The following GRIP1 variants were observed in gnomAD, a reference collection of about 807,000 sequenced individuals.
The protein encoded by GRIP1 is glutamate receptor interacting protein 1.
A neutral mutation model predicts 129.9 loss-of-function variants in GRIP1; 45 were observed. The ratio of observed to expected loss-of-function variants is 0.35; its 90% confidence interval spans 0.27 to 0.44. GRIP1 has a LOEUF of 0.44. GRIP1 is among the 20% of genes least tolerant of loss of function. GRIP1 has a pLI of 1.00. For synonymous variants in GRIP1, 530 were observed against 520.8 expected (o/e 1.02, Z -0.24); for missense variants, 1,196 against 1,396.8 (o/e 0.86, Z 2.29).
At chr12:66,978,199 A>G (rs950976141) in intron 1 of GRIP1, among the ~76,000 whole-genome samples, 1 of 147,018 alleles carries the variant, frequency 6.8e-6, no homozygotes, top group Non-Finnish European at 1.5e-5. Context: ...AAGAGTTAAT[A>G]AATAGACTCA....
chr12:66,904,890 C>CAA (rs34662689), intron 1 of GRIP1, among the ~76,000 whole-genome samples: 9,936 of 136,962 alleles, frequency 0.073, 442 homozygotes, highest in East Asian at 0.23. Flanking sequence ...GACTCCGTCT[C>CAA]AAAAAAAAAA....
At position 66,719,711 on chromosome 12, in the gene GRIP1, G is replaced by A. The variant is rs571205689; in HGVS notation, c.-420+84342C>T. Reference sequence around the variant, plus strand: ...GAACACTTTTGGCCATGAGGCCTTGGTCTCTAAGGAGGCCATTAGATTTAT... The same window carrying A: ...GAACACTTTTGGCCATGAGGCCTTGATCTCTAAGGAGGCCATTAGATTTAT... On this transcript the variant is annotated intron_variant, in intron 1 of 4. Transcript: ENST00000538373. 2.6e-5 allele frequency among the ~76,000 whole-genome samples: 4 copies of A among 152,308 alleles called. No individual in the cohort carries two copies. In the South Asian group the frequency reaches 6.2e-4, roughly 24 times the overall value.
chr12:66,803,468 A>T (rs2038913774), intron 1 of GRIP1, among the ~76,000 whole-genome samples: 1 of 152,230 alleles, frequency 6.6e-6, no homozygotes, highest in African/African-American at 2.4e-5. Flanking sequence ...AAATGTCTCA[A>T]TATAGACATA....
chr12:66,873,545 AT>A (rs796500951), intron 1 of GRIP1, among the ~76,000 whole-genome samples: 2 of 152,180 alleles, frequency 1.3e-5, no homozygotes, highest in African/African-American at 4.8e-5. Flanking sequence ...CTCAATTTGC[AT>A]TCTATTTTTC....
chr12:66,738,277 T>C (rs2036673459), intron 1 of GRIP1, among the ~76,000 whole-genome samples: 1 of 151,834 alleles, frequency 6.6e-6, no homozygotes, highest in Admixed American at 6.6e-5. Context: ...TGGAGTGCAG[T>C]GGCTCTATCT....
In GRIP1 at chr12:66,608,996, A is replaced by G. The variant is rs192050794; in HGVS notation, c.56-12069T>C. Reference sequence around the variant, plus strand: ...ATTTTTTTACAGCACTTATAATCCTACCTTAAAATCATCAACCTGCTTATT... The same window carrying G: ...ATTTTTTTACAGCACTTATAATCCTGCCTTAAAATCATCAACCTGCTTATT... On this transcript the variant is annotated intron_variant, in intron 1 of 24. Transcript: ENST00000359742. 1.4e-3 allele frequency among the ~76,000 whole-genome samples: 209 copies of G among 150,564 alleles called. 1 individual carries two copies. The highest frequency in any genetic ancestry group is 4.4e-3 in the African/African-American group (182 of 41,004).
intron 13 of GRIP1, among the ~76,000 whole-genome samples, chr12:66,444,363 G>A (rs900020651): frequency 1.3e-5 from 2 of 151,442 alleles, no homozygotes; most frequent in African/African-American, 4.9e-5. Flanking sequence ...GCGGGCGCCT[G>A]TAGTCCCAGC....
intron 1 of GRIP1, among the ~76,000 whole-genome samples, chr12:66,924,722 C>T (rs529287475): frequency 1.3e-5 from 2 of 152,312 alleles, no homozygotes; most frequent in South Asian, 4.1e-4. Flanking sequence ...AATCCCAGCA[C>T]TTTGGGAGGC....
intron 2 of GRIP1, chr12:66,571,077 G>C (rs2062944057): frequency 6.6e-6 from 1 of 152,132 alleles, no homozygotes; most frequent in African/African-American, 2.4e-5. Context: ...GGGTTGTCTT[G>C]GCTTGACCAG....
chr12:66,686,939 G>A (rs1247288837), intron 1 of GRIP1, among the ~76,000 whole-genome samples: 1 of 152,088 alleles, frequency 6.6e-6, no homozygotes, highest in Non-Finnish European at 1.5e-5. Context: ...GCACACACCT[G>A]TGGTCCCAGC....
intron 1 of GRIP1, among the ~76,000 whole-genome samples, chr12:66,744,428 A>T (rs930504319): frequency 2.6e-5 from 4 of 152,092 alleles, no homozygotes; most frequent in African/African-American, 9.7e-5. Flanking sequence ...CTACACAGAT[A>T]TTTTTGATGA....
chr12:66,771,417 A>G (rs2037814644), intron 1 of GRIP1, among the ~76,000 whole-genome samples: 1 of 152,204 alleles, frequency 6.6e-6, no homozygotes, highest in South Asian at 2.1e-4. Flanking sequence ...ACACACATAG[A>G]TACAGCAATT....
chr12:66,649,107 A>T (rs1374899819), intron 1 of GRIP1, among the ~76,000 whole-genome samples: 2 of 152,216 alleles, frequency 1.3e-5, no homozygotes, highest in East Asian at 3.8e-4. Flanking sequence ...TTAAAAAAAG[A>T]ATCTATATAT....
chr12:66,543,794 G>A (rs1250586588), intron 2 of GRIP1, among the ~76,000 whole-genome samples: 1 of 152,154 alleles, frequency 6.6e-6, no homozygotes, highest in African/African-American at 2.4e-5. Flanking sequence ...TAAATATGCA[G>A]AGTATCCTAT....
chr12:66,703,467 C>T (rs771846175), intron 1 of GRIP1, among the ~76,000 whole-genome samples: 14 of 151,860 alleles, frequency 9.2e-5, no homozygotes, highest in African/African-American at 1.5e-4. Context: ...AGGGAAGATC[C>T]GCTAGGAGGT....
chr12:66,914,029 A>G (rs1224738297), intron 1 of GRIP1, among the ~76,000 whole-genome samples: 3 of 152,172 alleles, frequency 2.0e-5, no homozygotes, highest in Non-Finnish European at 4.4e-5. Flanking sequence ...TAACAATCCT[A>G]TGAGATCAGA....
intron 1 of GRIP1, among the ~76,000 whole-genome samples, chr12:66,699,800 A>G (rs2035287687): frequency 6.6e-6 from 1 of 152,208 alleles, no homozygotes; most frequent in Non-Finnish European, 1.5e-5. Context: ...CCTTACTCAC[A>G]GGGACTTAAG....
At chr12:66,699,841 CA>C (rs1214690519) in intron 1 of GRIP1, among the ~76,000 whole-genome samples, 1 of 152,144 alleles carries the variant, frequency 6.6e-6, no homozygotes, top group Non-Finnish European at 1.5e-5. Flanking sequence ...GCTGAACAAC[CA>C]CATCCACCTG....
chr12:66,539,189 C>T lies in GRIP1; in HGVS notation c.307G>A (p.Ala103Thr). The T allele has an allele frequency of 6.2e-7, 1 of 1,613,960 alleles. No homozygotes were observed. Among genetic ancestry groups the T allele is most frequent in the Non-Finnish European group, 8.5e-7 (1 of 1,179,840 alleles). ...TTGGCCAGGTTGATTCCATTCACTG[C>T]TTTGATGTAGTCACCCACATCCAGC... The part of the protein sequence containing the change: ...DQLDVGDYIK[A>T]VNGINLAKFR... The change falls in exon 4 of 25, where the codon GCA becomes ACA. Residue 103 changes from alanine (A) to threonine (T), a missense_variant. Physicochemically the swap from Ala to Thr is moderately conservative, Grantham distance 58. Around this residue, in one of 5 missense-constraint regions of GRIP1, gnomAD observed 217 missense variants for 224.8 expected, o/e 0.97. Coordinates refer to ENST00000359742, the MANE Select transcript of GRIP1 (RefSeq NM_001366722.1).
Sources: gnomAD v4.1 joint callset for allele counts (sites outside exome capture counted in the v4.1 genomes callset) on GRCh38, gnomAD v4.1.1 for gene constraint, gnomAD v4.1.1 regional missense constraint, MANE v1.5 for transcripts, NCBI Gene and HGNC (gene_info 2026-07-23, HGNC 2026-07-21) for gene names.